The following CCDC149 variants were observed in gnomAD, a reference collection of about 807,000 sequenced individuals.
CCDC149 encodes the protein coiled-coil domain-containing protein 149.
CCDC149 carries 45 observed loss-of-function variants against 59.9 expected under a neutral mutation model. That is an observed-to-expected ratio of 0.75 (90% CI 0.59 to 0.96). The LOEUF is 0.96. Among genes scored for constraint, CCDC149 ranks in the 40% least tolerant of loss-of-function variants. CCDC149 has a pLI of 0.00. For synonymous variants in CCDC149, 245 were observed against 260.6 expected, an observed-to-expected ratio of 0.94 and a Z score of 0.58; for missense variants, 584 against 664.7, an observed-to-expected ratio of 0.88 and a Z score of 1.33.
chr4:24,913,983 CTG>C (rs1722042243), upstream of CCDC149, among the ~76,000 whole-genome samples: 1 of 152,204 alleles, frequency 6.6e-6, no homozygotes, highest in Non-Finnish European at 1.5e-5. Flanking sequence ...CGCAGAAACG[CTG>C]TGTGTGGAGA....
At chr4:24,903,735 A>G (rs1240932317) in intron 1 of CCDC149, among the ~76,000 whole-genome samples, 1 of 151,376 alleles carries the variant, frequency 6.6e-6, no homozygotes, top group East Asian at 1.9e-4. Flanking sequence ...TCTGCAGCCA[A>G]TTTCCTCACT....
At chr4:24,945,667 G>C (rs1320322889) in intron 1 of CCDC149, among the ~76,000 whole-genome samples, 1 of 150,552 alleles carries the variant, frequency 6.6e-6, no homozygotes, top group Non-Finnish European at 1.5e-5. Flanking sequence ...TATCAGCCAG[G>C]CTGGAGTTCA....
chr4:24,827,040 A>G (rs1235236334), intron 9 of CCDC149: 4 of 152,178 alleles, frequency 2.6e-5, no homozygotes, highest in African/African-American at 9.7e-5. Context: ...GTATCTACCT[A>G]GTAGTCTAGG....
chr4:24,885,988 T>C (rs1423168407), intron 1 of CCDC149, among the ~76,000 whole-genome samples: 1 of 152,198 alleles, frequency 6.6e-6, no homozygotes, highest in African/African-American at 2.4e-5. Flanking sequence ...ACTTGAAACA[T>C]CATATTTAAT....
At chr4:24,875,691 G>A (rs562925421) in intron 2 of CCDC149, among the ~76,000 whole-genome samples, 2 of 152,042 alleles carry the variant, frequency 1.3e-5, no homozygotes, top group Non-Finnish European at 2.9e-5. Flanking sequence ...CAATACAGTA[G>A]CCATCAGTCA....
intron 1 of CCDC149, among the ~76,000 whole-genome samples, chr4:24,953,297 T>C (rs1723366464): frequency 1.3e-5 from 2 of 152,216 alleles, no homozygotes; most frequent in Non-Finnish European, 2.9e-5. Context: ...TGTGTGCAGC[T>C]TCCTCCAGGA....
chr4:24,921,388 A>G (rs1722288109), intron 1 of CCDC149, among the ~76,000 whole-genome samples: 1 of 152,132 alleles, frequency 6.6e-6, no homozygotes, highest in Non-Finnish European at 1.5e-5. Flanking sequence ...TGAACCCTAT[A>G]TGTACTTCTC....
At chr4:24,908,438 C>G (rs528733257) in intron 1 of CCDC149, among the ~76,000 whole-genome samples, 1 of 151,718 alleles carries the variant, frequency 6.6e-6, no homozygotes, top group South Asian at 2.1e-4. Context: ...TGGCTCATGC[C>G]TATAATCCCA....
chr4:24,830,022 C>T (rs187285722), intron 9 of CCDC149: 1 of 152,996 alleles, frequency 6.5e-6, no homozygotes. Flanking sequence ...GAGCAGAGGC[C>T]CAGAAGAGGA....
intron 1 of CCDC149, among the ~76,000 whole-genome samples, chr4:24,960,535 A>G (rs1249562461): frequency 6.6e-6 from 1 of 152,170 alleles, no homozygotes; most frequent in African/African-American, 2.4e-5. Context: ...ATATAGACAC[A>G]AATGTAATAA....
At chr4:24,814,569 T>C (rs1714887593) in intron 12 of CCDC149, among the ~76,000 whole-genome samples, 1 of 152,098 alleles carries the variant, frequency 6.6e-6, no homozygotes, top group Non-Finnish European at 1.5e-5. Flanking sequence ...ACATGCAGGG[T>C]CTCAGGCCCT....
At chr4:24,962,536 T>C (rs1577508844) in intron 1 of CCDC149, among the ~76,000 whole-genome samples, 1 of 152,202 alleles carries the variant, frequency 6.6e-6, no homozygotes, top group East Asian at 1.9e-4. Context: ...ATATACACCA[T>C]GGAATACTAT....
At chr4:24,969,062 G>A (rs1261842215) in intron 1 of CCDC149, among the ~76,000 whole-genome samples, 1 of 152,244 alleles carries the variant, frequency 6.6e-6, no homozygotes, top group Non-Finnish European at 1.5e-5. Context: ...GGACATGCGA[G>A]GGGTAAACTG....
At chr4:24,821,197 C>T in intron 10 of CCDC149, 110 bp from the exon 11 acceptor site, 3 of 456,940 alleles carry the variant, frequency 6.6e-6, no homozygotes, top group Non-Finnish European at 7.1e-6. Context: ...TTTGTTCACT[C>T]GAGTAACTTC....
chr4:24,926,650 A>C (rs1722439245), intron 1 of CCDC149, among the ~76,000 whole-genome samples: 1 of 152,252 alleles, frequency 6.6e-6, no homozygotes, highest in African/African-American at 2.4e-5. Flanking sequence ...TTGGTAACAC[A>C]GAATAACCAT....
chr4:24,978,666 C>G (rs933873086), intron 1 of CCDC149, among the ~76,000 whole-genome samples: 15 of 152,172 alleles, frequency 9.9e-5, no homozygotes, highest in Non-Finnish European at 8.8e-5. Context: ...AATGAACAGT[C>G]TTCCCTTTCC....
rs559138590 is a variant in CCDC149 at position 24,819,825 on chromosome 4, C to A, written c.1192+34G>T. 8.1e-5 allele frequency: 117 copies of A among 1,453,290 alleles called. 1 individual carries two copies. The South Asian group carries it at 1.3e-3, about 16-fold the overall frequency. 90.0% of individuals were successfully genotyped at this position (1,453,290 alleles called of 1,614,324 possible). On this transcript the variant is annotated intron_variant, in intron 12 of 12. Coordinates refer to ENST00000635206, the MANE Select transcript of CCDC149 (RefSeq NM_001330643.2). ...GCCACTCCTCTGTGGCAGGCACAGT[C>A]CAGGTAAAGATGGAGAAATCGAGGC...
intron 1 of CCDC149, among the ~76,000 whole-genome samples, chr4:24,976,996 C>T (rs927104196): frequency 1.3e-5 from 2 of 152,184 alleles, no homozygotes; most frequent in Non-Finnish European, 2.9e-5. Flanking sequence ...ACAAACAAAC[C>T]TCATTTCTAA....
chr4:24,874,268 T>TTTG (rs1329415966), intron 2 of CCDC149, among the ~76,000 whole-genome samples: 1 of 44,954 alleles, frequency 2.2e-5, no homozygotes, highest in African/African-American at 6.0e-5. Context: ...TTGTTTTGTT[T>TTTG]TTTTTTGTTT....
Sources: allele counts gnomAD v4.1 joint callset (sites outside exome capture counted in the v4.1 genomes callset), GRCh38; gene constraint gnomAD v4.1.1; transcripts MANE v1.5; gene names NCBI Gene and HGNC (gene_info 2026-07-23, HGNC 2026-07-21).